The following CTNNA3 variants were observed in gnomAD, a reference collection of about 807,000 sequenced individuals.
CTNNA3 encodes catenin alpha 3.
In CTNNA3, 76 loss-of-function variants were observed where a neutral mutation model predicts 95.7. The observed-to-expected ratio is 0.79, with a 90% confidence interval of 0.66 to 0.96. The LOEUF (loss-of-function observed/expected upper bound fraction) is 0.96, where lower values mean the gene tolerates loss of function less well. Ranked by LOEUF, CTNNA3 falls within the 40% of genes least tolerant of loss-of-function variation. The probability of loss-of-function intolerance (pLI) is 0.00; values close to 1 mark genes in which losing one functional copy is unlikely to be tolerated. For missense variants in CTNNA3, 1,191 were observed against 1,089.8 expected (o/e 1.09, Z -1.31); for synonymous variants, 431 against 374.4 (o/e 1.15, Z -1.74).
intron 5 of CTNNA3, among the ~76,000 whole-genome samples, chr10:67,325,134 CTTT>C (rs2132563246): frequency 6.6e-6 from 1 of 152,046 alleles, no homozygotes; most frequent in South Asian, 2.1e-4. Flanking sequence ...CTCTTTCCTT[CTTT>C]ATTAGTCTAG....
rs552907229 is a variant in CTNNA3, at chr10:66,846,606, C to T, written c.1048-71082G>A. The stretch of plus-strand genomic sequence containing the variant: ...GTGTGTGTGTGTGTATATATATATA[C>T]ACAAATTTCATTTGTCAGTTATACC... On this transcript the variant is annotated intron_variant, in intron 7 of 17. Coordinates refer to ENST00000433211, the MANE Select transcript of CTNNA3 (RefSeq NM_013266.4). Among the ~76,000 whole-genome samples, 156 of 151,714 alleles carry T rather than the reference C, an allele frequency of 1.0e-3. 1 individual carries two copies. Among genetic ancestry groups the T allele is most frequent in the African/African-American group, 3.4e-3 (141 of 41,338 alleles).
intron 15 of CTNNA3, among the ~76,000 whole-genome samples, chr10:66,020,772 C>T (rs916297052): frequency 6.6e-6 from 1 of 150,904 alleles, no homozygotes; most frequent in African/African-American, 2.4e-5. Flanking sequence ...CCCAGGTTCA[C>T]GCCATTCTCC....
At chr10:66,198,685 T>G (rs1307996022) in intron 13 of CTNNA3, among the ~76,000 whole-genome samples, 1 of 152,212 alleles carries the variant, frequency 6.6e-6, no homozygotes, top group African/African-American at 2.4e-5. Context: ...AATTAAAGAC[T>G]TAGCAAATAT....
intron 7 of CTNNA3, among the ~76,000 whole-genome samples, chr10:66,998,905 T>C (rs61866231): frequency 0.036 from 5,418 of 152,220 alleles, 145 homozygotes; most frequent in Middle Eastern, 0.058. Flanking sequence ...AGAACACACA[T>C]TCACTTAAAT....
chr10:67,231,301 G>C (rs1487596068), intron 5 of CTNNA3, among the ~76,000 whole-genome samples: 4 of 152,314 alleles, frequency 2.6e-5, no homozygotes, highest in Non-Finnish European at 4.4e-5. Flanking sequence ...GAGAGCAGTG[G>C]TTCTCCCAGC....
At chr10:67,262,289 T>C (rs1288251481) in intron 5 of CTNNA3, among the ~76,000 whole-genome samples, 1 of 152,148 alleles carries the variant, frequency 6.6e-6, no homozygotes, top group Admixed American at 6.5e-5. Flanking sequence ...ATCATAAAAA[T>C]AATTTTATAT....
intron 13 of CTNNA3, among the ~76,000 whole-genome samples, chr10:66,149,382 T>G (rs1047789803): frequency 6.6e-6 from 1 of 151,086 alleles, no homozygotes; most frequent in Non-Finnish European, 1.5e-5. Context: ...TAAAAATTAT[T>G]ATTGAACATT....
At chr10:66,397,164 T>A (rs1053212388) in intron 11 of CTNNA3, among the ~76,000 whole-genome samples, 1 of 151,648 alleles carries the variant, frequency 6.6e-6, no homozygotes, top group Non-Finnish European at 1.5e-5. Context: ...TATGAGTAGT[T>A]TTTATTTTTT....
At chr10:66,578,043 C>G (rs2132185555) in intron 10 of CTNNA3, among the ~76,000 whole-genome samples, 1 of 152,006 alleles carries the variant, frequency 6.6e-6, no homozygotes, top group African/African-American at 2.4e-5. Context: ...CTTTAAGGTC[C>G]TTAGTAAGCT....
At chr10:66,462,129 T>C (rs1375801304) in intron 11 of CTNNA3, among the ~76,000 whole-genome samples, 1 of 151,968 alleles carries the variant, frequency 6.6e-6, no homozygotes, top group Admixed American at 6.6e-5. Context: ...CAATTATTAA[T>C]TCTAGAAAAA....
intron 5 of CTNNA3, among the ~76,000 whole-genome samples, chr10:67,236,511 T>TG (rs1865463605): frequency 1.5e-4 from 1 of 6,568 alleles, no homozygotes; most frequent in African/African-American, 6.3e-4. Flanking sequence ...GGGACTGTTG[T>TG]GGGGTGGGGG....
At chr10:66,489,449 C>A (rs563688193) in intron 11 of CTNNA3, among the ~76,000 whole-genome samples, 1 of 152,154 alleles carries the variant, frequency 6.6e-6, no homozygotes, top group East Asian at 1.9e-4. Flanking sequence ...GAATGGCCAA[C>A]TGGAAGAATT....
chr10:65,932,465 G>A (rs1211772451), intron 17 of CTNNA3, among the ~76,000 whole-genome samples: 8 of 152,122 alleles, frequency 5.3e-5, no homozygotes, highest in Non-Finnish European at 1.0e-4. Flanking sequence ...GCCTTGTGAT[G>A]TAGGTATTAT....
chr10:66,846,576 T>C (rs1311567327), intron 7 of CTNNA3, among the ~76,000 whole-genome samples: 1 of 150,876 alleles, frequency 6.6e-6, no homozygotes, highest in Non-Finnish European at 1.5e-5. Flanking sequence ...TTATATACCA[T>C]ATGTGTGTGT....
At chr10:66,174,172 C>A (rs894527852) in intron 13 of CTNNA3, among the ~76,000 whole-genome samples, 1 of 152,028 alleles carries the variant, frequency 6.6e-6, no homozygotes, top group African/African-American at 2.4e-5. Flanking sequence ...TAGAAAAAGG[C>A]GGATTGGAAT....
chr10:67,323,335 T>C (rs1841401348), intron 5 of CTNNA3, among the ~76,000 whole-genome samples: 1 of 152,120 alleles, frequency 6.6e-6, no homozygotes, highest in Non-Finnish European at 1.5e-5. Flanking sequence ...CTCTTCAGGG[T>C]TTTTATAGTT....
At chr10:66,071,485 G>GATT (rs2080432865) in intron 14 of CTNNA3, among the ~76,000 whole-genome samples, 1 of 151,844 alleles carries the variant, frequency 6.6e-6, no homozygotes, top group African/African-American at 2.4e-5. Flanking sequence ...GATTTATCAA[G>GATT]ATTATAGTGT....
intron 1 of CTNNA3, among the ~76,000 whole-genome samples, chr10:67,663,300 A>C (rs1391838162): frequency 6.6e-6 from 1 of 151,984 alleles, no homozygotes; most frequent in Non-Finnish European, 1.5e-5. Flanking sequence ...TTGTTTTTGT[A>C]CTGCTTTAAA....
intron 12 of CTNNA3, among the ~76,000 whole-genome samples, chr10:66,318,000 A>G (rs2092124694): frequency 6.6e-6 from 1 of 152,204 alleles, no homozygotes; most frequent in East Asian, 1.9e-4. Flanking sequence ...CAAAATATGA[A>G]AAAGGTGGAA....
Sources: gnomAD v4.1 joint callset for allele counts (sites outside exome capture counted in the v4.1 genomes callset) on GRCh38, gnomAD v4.1.1 for gene constraint, MANE v1.5 for transcripts, NCBI Gene and HGNC (gene_info 2026-07-23, HGNC 2026-07-21) for gene names.